Variants in METTL25 observed in about 807,000 individuals in gnomAD.
METTL25 encodes probable methyltransferase-like protein 25.
In METTL25, 64 loss-of-function variants were observed where a neutral mutation model predicts 71.6. The ratio of observed to expected loss-of-function variants is 0.89; its 90% confidence interval spans 0.73 to 1.10. METTL25 has a LOEUF of 1.10. Among genes scored for constraint, METTL25 ranks in the 50% least tolerant of loss-of-function variants. The pLI, the probability that METTL25 is intolerant of heterozygous loss-of-function variation, is 0.00. For missense variants in METTL25, 807 were observed against 707.0 expected (o/e 1.14, Z -1.60); for synonymous variants, 287 against 250.3 (o/e 1.15, Z -1.38).
intron 1 of METTL25, among the ~76,000 whole-genome samples, chr12:82,382,149 T>C (rs1410165851): frequency 1.3e-5 from 2 of 152,184 alleles, no homozygotes; most frequent in East Asian, 3.9e-4. Context: ...CAGTTGAGTT[T>C]TGAACCTTTT....
At chr12:82,405,114 A>G (rs1886980561) in intron 5 of METTL25, among the ~76,000 whole-genome samples, 1 of 152,164 alleles carries the variant, frequency 6.6e-6, no homozygotes, top group Non-Finnish European at 1.5e-5. Flanking sequence ...TAAGACTGCC[A>G]TCTCTGGTCA....
chr12:82,406,684 T>A (rs1258409493), intron 5 of METTL25, among the ~76,000 whole-genome samples: 6 of 152,312 alleles, frequency 3.9e-5, no homozygotes, highest in Middle Eastern at 3.4e-3. Context: ...TGTTCATCTT[T>A]GTTTTCTTTA....
At chr12:82,372,065 C>T (rs567831150) in intron 1 of METTL25, among the ~76,000 whole-genome samples, 3 of 152,304 alleles carry the variant, frequency 2.0e-5, no homozygotes, top group African/African-American at 7.2e-5. Context: ...TCTCGTGCTG[C>T]AGCTAAAGCT....
intron 1 of METTL25, among the ~76,000 whole-genome samples, chr12:82,372,078 A>G (rs963649106): frequency 2.6e-5 from 4 of 152,206 alleles, no homozygotes; most frequent in Non-Finnish European, 4.4e-5. Context: ...CTAAAGCTGC[A>G]TTCTTTTCAT....
At chr12:82,440,367 C>T (rs562737627) in intron 8 of METTL25, among the ~76,000 whole-genome samples, 1 of 152,082 alleles carries the variant, frequency 6.6e-6, no homozygotes, top group African/African-American at 2.4e-5. Flanking sequence ...ACAAATACAT[C>T]AGTCAGCTAC....
intron 11 of METTL25, 60 bp from the exon 12 acceptor site, chr12:82,478,872 C>G (rs966312759): frequency 1.3e-5 from 17 of 1,278,636 alleles, no homozygotes; most frequent in Non-Finnish European, 1.8e-5. Flanking sequence ...TAATCCAACT[C>G]GCGTCTAATT....
At chr12:82,395,831 G>A (rs1886022631) in intron 3 of METTL25, among the ~76,000 whole-genome samples, 1 of 151,962 alleles carries the variant, frequency 6.6e-6, no homozygotes, top group Middle Eastern at 3.2e-3. Context: ...TCAGGGTGGT[G>A]GGGATTTTCC....
chr12:82,378,460 C>T (rs1278977980), intron 1 of METTL25, among the ~76,000 whole-genome samples: 1 of 152,122 alleles, frequency 6.6e-6, no homozygotes, highest in Non-Finnish European at 1.5e-5. Flanking sequence ...TTCACTTCTT[C>T]CTTTTACTTG....
chr12:82,463,295 T>C (rs771295628), intron 9 of METTL25, among the ~76,000 whole-genome samples: 10 of 152,044 alleles, frequency 6.6e-5, no homozygotes, highest in Non-Finnish European at 1.2e-4. Context: ...TTAACTTTTT[T>C]TTTCCAGCTT....
intron 7 of METTL25, among the ~76,000 whole-genome samples, chr12:82,436,962 G>A (rs1315784929): frequency 6.6e-6 from 1 of 151,518 alleles, no homozygotes; most frequent in Non-Finnish European, 1.5e-5. Flanking sequence ...ATAGGAATAG[G>A]TATTAATATT....
At chr12:82,452,125 C>T (rs887047926) in intron 8 of METTL25, among the ~76,000 whole-genome samples, 10 of 151,962 alleles carry the variant, frequency 6.6e-5, no homozygotes, top group Admixed American at 3.3e-4. Flanking sequence ...AAGAGTAAAA[C>T]ATTATTGGAC....
chr12:82,377,600 A>T (rs2136898409), intron 1 of METTL25, among the ~76,000 whole-genome samples: 1 of 152,322 alleles, frequency 6.6e-6, no homozygotes, highest in African/African-American at 2.4e-5. Context: ...TACCAGTGAA[A>T]AAAGAATAAT....
Position 82,434,740 on chromosome 12 carries a change from A to G in METTL25, c.1404+16A>G, listed in dbSNP as rs771053972. 4.4e-6 allele frequency: 7 copies of G among 1,607,212 alleles called. No homozygotes were observed. The highest frequency in any genetic ancestry group is 5.1e-6 in the Non-Finnish European group (6 of 1,174,974). On this transcript the variant is annotated intron_variant, in intron 7 of 11. Transcript: ENST00000248306. ...TGGCCAAGGGGTAAGTAAGAGTGTT[A>G]ACTGATGAACACGACAGTTTTTCTC...
At chr12:82,380,231 C>G (rs1161818744) in intron 1 of METTL25, among the ~76,000 whole-genome samples, 1 of 152,068 alleles carries the variant, frequency 6.6e-6, no homozygotes, top group Admixed American at 6.6e-5. Flanking sequence ...ATTTGCTTTT[C>G]TGTTCTTGCA....
intron 4 of METTL25, among the ~76,000 whole-genome samples, chr12:82,400,799 A>G (rs1440264053): frequency 6.6e-6 from 1 of 152,066 alleles, no homozygotes; most frequent in Admixed American, 6.6e-5. Context: ...CAATACTTAA[A>G]TATTTTACTA....
At chr12:82,433,261 T>A (rs968966633) in intron 6 of METTL25, among the ~76,000 whole-genome samples, 2 of 151,674 alleles carry the variant, frequency 1.3e-5, no homozygotes, top group Admixed American at 6.6e-5. Context: ...TATTTTTTTT[T>A]AATTCAGTTT....
At position 82,399,279 on chromosome 12, in the gene METTL25, C is replaced by A. The variant is rs1178328661; in HGVS notation, c.1016C>A (p.Ala339Asp). Reference protein sequence around the residue: ...QQIPNRETSEANKERRKMTSK... With the variant: ...QQIPNRETSEDNKERRKMTSK... Reference sequence around the variant, plus strand: ...ATACCCAACAGAGAAACATCTGAAGCCAATAAAGAGAGAAGAAAAATGACA... The same window carrying A: ...ATACCCAACAGAGAAACATCTGAAGACAATAAAGAGAGAAGAAAAATGACA... The change falls in exon 4 of 12, where the codon GCC becomes GAC. Residue 339 changes from alanine to aspartate, a missense_variant. Coordinates refer to ENST00000248306, the MANE Select transcript of METTL25 (RefSeq NM_032230.3). 3 of 1,613,428 alleles carry A rather than the reference C, an allele frequency of 1.9e-6. No homozygotes were observed. The highest frequency in any genetic ancestry group is 2.5e-6 in the Non-Finnish European group (3 of 1,179,770).
Position 82,399,059 on chromosome 12 carries a change from C to T in METTL25, c.796C>T (p.Pro266Ser), listed in dbSNP as rs770181397. Residue 266 changes from proline to serine, a missense_variant, in exon 4 of 12, where the codon CCT becomes TCT. Physicochemically the swap from Pro to Ser is moderately conservative, Grantham distance 74 (BLOSUM62 -1). Transcript: ENST00000248306. The stretch of plus-strand genomic sequence containing the variant: ...TACTGAGGAAGTGTTTAACAACAGT[C>T]CTACAAATCAAGAAAAGATGCCTAC... ...ADTEEVFNNSPTNQEKMPTSA... is the reference protein window; with the variant it reads ...ADTEEVFNNSSTNQEKMPTSA... The T allele has an allele frequency of 7.4e-6, 12 of 1,612,780 alleles. No homozygotes were observed. Among genetic ancestry groups the T allele is most frequent in the Non-Finnish European group, 9.3e-6 (11 of 1,179,200 alleles).
intron 8 of METTL25, 142 bp downstream of exon 8, chr12:82,438,933 C>A: frequency 1.8e-6 from 1 of 560,530 alleles, no homozygotes; most frequent in South Asian, 6.8e-5. Context: ...AACAAGTACA[C>A]AACAACTGTA....
Sources: gnomAD v4.1 joint callset for allele counts (sites outside exome capture counted in the v4.1 genomes callset) on GRCh38, gnomAD v4.1.1 for gene constraint, MANE v1.5 for transcripts, NCBI Gene and HGNC (gene_info 2026-07-23, HGNC 2026-07-21) for gene names.